The following MARCHF7 variants were observed in gnomAD, a reference collection of about 807,000 sequenced individuals.
MARCHF7 encodes the protein membrane associated ring-CH-type finger 7.
A neutral mutation model predicts 76.5 loss-of-function variants in MARCHF7; 20 were observed. The ratio of observed to expected loss-of-function variants is 0.26; its 90% CI spans 0.18 to 0.38. The LOEUF (loss-of-function observed/expected upper bound fraction) is 0.38, where lower values mean the gene tolerates loss of function less well. Ranked by LOEUF, MARCHF7 falls within the 10% of genes least tolerant of loss-of-function variation. MARCHF7 has a pLI of 1.00. For missense variants in MARCHF7, 797 were observed against 812.9 expected (o/e 0.98, Z 0.24); for synonymous variants, 295 against 293.0 (o/e 1.01, Z -0.07).
At chr2:159,715,851 C>G (rs780851886) in intron 3 of MARCHF7, 85 bp downstream of exon 3, 1 of 152,118 alleles carries the variant, frequency 6.6e-6, no homozygotes, top group African/African-American at 2.4e-5. Flanking sequence ...AGTTTTGAAC[C>G]TTAAAAGTAG....
At chr2:159,733,793 C>T (rs1263330193) in intron 4 of MARCHF7, 13 of 985,158 alleles carry the variant, frequency 1.3e-5, no homozygotes, top group South Asian at 4.7e-5. Context: ...GTCAGTTCAT[C>T]GATAAGGTTC....
intron 4 of MARCHF7, among the ~76,000 whole-genome samples, chr2:159,740,280 C>CA (rs1703978668): frequency 1.3e-5 from 2 of 152,070 alleles, no homozygotes. Context: ...ATCATGTTTG[C>CA]AGAAGTGCTG....
At chr2:159,765,289 A>T (rs930374284) in intron 11 of MARCHF7, among the ~76,000 whole-genome samples, 1 of 152,016 alleles carries the variant, frequency 6.6e-6, no homozygotes, top group African/African-American at 2.4e-5. Flanking sequence ...TTAAGATCAC[A>T]TTCCAGCATC....
chr2:159,739,659 GAAA>G (rs1009183272), intron 4 of MARCHF7, among the ~76,000 whole-genome samples: 6 of 152,040 alleles, frequency 3.9e-5, no homozygotes, highest in Non-Finnish European at 7.4e-5. Context: ...AATTCCGAGG[GAAA>G]AAAACAATTG....
intron 4 of MARCHF7, among the ~76,000 whole-genome samples, chr2:159,740,232 G>C (rs1703970907): frequency 6.6e-6 from 1 of 151,810 alleles, no homozygotes; most frequent in Admixed American, 6.6e-5. Flanking sequence ...CTATATAGTA[G>C]TAGATCTGAT....
intron 11 of MARCHF7, among the ~76,000 whole-genome samples, chr2:159,765,911 G>GT (rs564969215): frequency 3.6e-4 from 55 of 152,056 alleles, no homozygotes; most frequent in Non-Finnish European, 6.6e-4. Flanking sequence ...TCTCTTCTTT[G>GT]TTTTTTTAAA....
At chr2:159,712,962 G>A (rs760728418) in intron 1 of MARCHF7, among the ~76,000 whole-genome samples, 1 of 152,164 alleles carries the variant, frequency 6.6e-6, no homozygotes. Flanking sequence ...TTGGCGCGGG[G>A]CGGCCTCCTC....
intron 6 of MARCHF7, among the ~76,000 whole-genome samples, chr2:159,747,167 G>A (rs1226959129): frequency 6.6e-6 from 1 of 152,124 alleles, no homozygotes; most frequent in Non-Finnish European, 1.5e-5. Flanking sequence ...AGATGTCATA[G>A]CCCTATTCTG....
chr2:159,739,816 A>G (rs1256013447), intron 4 of MARCHF7, among the ~76,000 whole-genome samples: 1 of 152,204 alleles, frequency 6.6e-6, no homozygotes, highest in Non-Finnish European at 1.5e-5. Context: ...TGATATGTAT[A>G]TCTATATGCT....
At chr2:159,735,360 A>G (rs1703328750) in intron 4 of MARCHF7, among the ~76,000 whole-genome samples, 1 of 152,244 alleles carries the variant, frequency 6.6e-6, no homozygotes, top group Admixed American at 6.5e-5. Context: ...TTCTTTTTTA[A>G]GAAATGACTT....
At chr2:159,742,922 G>A in intron 4 of MARCHF7, 139 bp from the exon 5 acceptor site, 1 of 746,414 alleles carries the variant, frequency 1.3e-6, no homozygotes, top group Non-Finnish European at 2.1e-6. Flanking sequence ...GGGCAACAGA[G>A]CAAGACTCAG....
At chr2:159,765,247 A>G (rs1707626329) in intron 11 of MARCHF7, among the ~76,000 whole-genome samples, 1 of 151,808 alleles carries the variant, frequency 6.6e-6, no homozygotes, top group Non-Finnish European at 1.5e-5. Flanking sequence ...GACCTTTAAT[A>G]GGTAGCCAGC....
At chr2:159,737,713 A>T (rs1294171222) in intron 4 of MARCHF7, among the ~76,000 whole-genome samples, 3 of 152,178 alleles carry the variant, frequency 2.0e-5, no homozygotes. Context: ...GCTTGGGCCC[A>T]GGAAGTCAAG....
chr2:159,717,832 G>A, intron 3 of MARCHF7, among the ~76,000 whole-genome samples: 1 of 151,994 alleles, frequency 6.6e-6, no homozygotes, highest in East Asian at 1.9e-4. Context: ...TAATAAAAAT[G>A]GCTATTTCTT....
intron 7 of MARCHF7, 78 bp downstream of exon 7, chr2:159,748,981 T>A: frequency 1.1e-5 from 12 of 1,078,550 alleles, no homozygotes; most frequent in South Asian, 4.5e-5. Context: ...TTCTTTTCTT[T>A]TTTTTTTTTT....
intron 9 of MARCHF7, 149 bp from the exon 10 acceptor site, chr2:159,762,731 T>TC: frequency 2.6e-6 from 1 of 384,912 alleles, no homozygotes; most frequent in Non-Finnish European, 4.6e-6. Context: ...ATTCTTTTTT[T>TC]CTCAATAAAT....
intron 3 of MARCHF7, among the ~76,000 whole-genome samples, chr2:159,726,691 T>C (rs1298445033): frequency 6.6e-6 from 1 of 152,226 alleles, no homozygotes; most frequent in Non-Finnish European, 1.5e-5. Flanking sequence ...TTGTGTACAA[T>C]TCAGTATTAT....
chr2:159,712,830 G>T (rs925413658), intron 1 of MARCHF7, among the ~76,000 whole-genome samples: 1 of 152,252 alleles, frequency 6.6e-6, no homozygotes, highest in Non-Finnish European at 1.5e-5. Context: ...GGGCCACAGC[G>T]CAGGCCTCCC....
intron 4 of MARCHF7, among the ~76,000 whole-genome samples, chr2:159,742,606 G>A (rs999817348): frequency 1.3e-5 from 2 of 152,062 alleles, no homozygotes; most frequent in Non-Finnish European, 2.9e-5. Context: ...CAATTATAGT[G>A]TATAGTAAAT....
Sources: gnomAD v4.1 joint callset for allele counts (sites outside exome capture counted in the v4.1 genomes callset) on GRCh38, gnomAD v4.1.1 for gene constraint, MANE v1.5 for transcripts, NCBI Gene and HGNC (gene_info 2026-07-23, HGNC 2026-07-21) for gene names.